Variants in DCUN1D5 observed in about 807,000 individuals in gnomAD.
The protein encoded by DCUN1D5 is DCN1-like protein 5.
In DCUN1D5, 10 loss-of-function variants were observed where a neutral mutation model predicts 38.3. The ratio of observed to expected loss-of-function variants is 0.26; its 90% CI spans 0.16 to 0.44. DCUN1D5 has a LOEUF of 0.44. Among genes scored for constraint, DCUN1D5 ranks in the 20% least tolerant of loss-of-function variants. The pLI is 1.00. For synonymous variants in DCUN1D5, 93 were observed against 90.9 expected, an observed-to-expected ratio of 1.02 and a Z score of -0.13; for missense variants, 148 against 275.3, an observed-to-expected ratio of 0.54 and a Z score of 3.27.
chr11:103,080,904 G>C (rs1324915886), intron 4 of DCUN1D5, among the ~76,000 whole-genome samples: 1 of 152,036 alleles, frequency 6.6e-6, no homozygotes, highest in Admixed American at 6.5e-5. Context: ...CCCAGCTCGG[G>C]AGGCTGAGGC....
rs1268955562 is a variant in DCUN1D5 at position 103,083,004 on chromosome 11, A to G, written c.250-165T>C. On this transcript the variant is annotated intron_variant, in intron 3 of 7. Transcript: ENST00000260247. The surrounding 1 kb of genome is among the most constrained non-coding windows in gnomAD (Gnocchi z 4.4). Reference sequence around the variant, plus strand: ...ATATACAAAGAAATTGAGATGTGCCAATTTCTTAAAAGTAAAAAGTTCTAA... The same window carrying G: ...ATATACAAAGAAATTGAGATGTGCCGATTTCTTAAAAGTAAAAAGTTCTAA... 6.6e-6 allele frequency among the ~76,000 whole-genome samples: 1 copy of G among 152,068 alleles called. No homozygotes were observed. Among genetic ancestry groups the G allele is most frequent in the Non-Finnish European group, 1.5e-5 (1 of 67,882 alleles).
Position 103,092,127 on chromosome 11 carries a change from G to A in DCUN1D5, c.-255C>T, listed in dbSNP as rs1382988270. The A allele has an allele frequency of 4.4e-6, 2 of 450,244 alleles. No homozygotes were observed. Among genetic ancestry groups the A allele is most frequent in the African/African-American group, 4.1e-5 (2 of 49,146 alleles). The allele number at this position is 450,244 out of a possible 1,614,324, so 27.9% of individuals were successfully genotyped here. A position where few individuals can be genotyped will look rare whatever the true frequency, so the allele number is the denominator to read the frequency against. On this transcript the variant is annotated 5_prime_UTR_variant, in exon 1 of 8. Transcript: ENST00000260247. ...CGTTCTCACCGGGAGGAGATAACGC[G>A]GACAGCGCGGCAGCTCCACCAGTCA...
chr11:103,076,209 T>G (rs1350879527), intron 4 of DCUN1D5, among the ~76,000 whole-genome samples: 1 of 152,194 alleles, frequency 6.6e-6, no homozygotes, highest in Non-Finnish European at 1.5e-5. Context: ...GGACCTGACA[T>G]ATAGCACTCC....
intron 2 of DCUN1D5, among the ~76,000 whole-genome samples, chr11:103,084,903 C>G (rs1862660655): frequency 6.6e-6 from 1 of 152,016 alleles, no homozygotes; most frequent in Admixed American, 6.6e-5. Context: ...GGGAGCATTG[C>G]TTGAGCCCAG....
rs774893368 is a variant in DCUN1D5, at chr11:103,091,909, G to A, written c.-37C>T. Reference sequence around the variant, plus strand: ...CCCGGCAGGGTGGGCAGGGGAGCCGGGGAAGGGGGTCCCTGTCCGCTGGAA... The same window carrying A: ...CCCGGCAGGGTGGGCAGGGGAGCCGAGGAAGGGGGTCCCTGTCCGCTGGAA... On this transcript the variant is annotated 5_prime_UTR_variant, in exon 1 of 8. Coordinates refer to ENST00000260247, the MANE Select transcript of DCUN1D5 (RefSeq NM_032299.4). The surrounding 1 kb of genome is among the most constrained non-coding windows in gnomAD (Gnocchi z 4.3). 44 of 1,588,070 alleles carry A rather than the reference G, an allele frequency of 2.8e-5. 1 individual carries two copies. The highest frequency in any genetic ancestry group is 3.1e-5 in the Non-Finnish European group (36 of 1,164,332).
intron 2 of DCUN1D5, among the ~76,000 whole-genome samples, chr11:103,084,174 T>A (rs1862639785): frequency 6.6e-6 from 1 of 152,208 alleles, no homozygotes; most frequent in Non-Finnish European, 1.5e-5. Flanking sequence ...ACAAATTTTG[T>A]AATAATATGA....
Position 103,053,338 on chromosome 11 carries a change from G to C in DCUN1D5, c.*9021C>G, listed in dbSNP as rs1861793102. The C allele has an allele frequency of 9.2e-6, 1 of 108,486 alleles. No homozygotes were observed. The highest frequency in any genetic ancestry group is 2.2e-5 in the Non-Finnish European group (1 of 44,874). 6.7% of individuals were successfully genotyped at this position (108,486 alleles called of 1,614,324 possible). ...CAAAGAAAGCAAGTAATACAAATCA[G>C]TGTGCATCATTGACATTACAGATTA... On this transcript the variant is annotated 3_prime_UTR_variant, in exon 8 of 8. Transcript: ENST00000260247. This position sits in a 1 kb window ranked among gnomAD's most constrained non-coding sequence, Gnocchi z 4.8.
chr11:103,060,032 T>C lies in DCUN1D5; in HGVS notation c.*2327A>G, dbSNP rs1342400283. 6.6e-6 allele frequency among the ~76,000 whole-genome samples: 1 copy of C among 152,186 alleles called. No individual in the cohort carries two copies. The highest frequency in any genetic ancestry group is 1.5e-5 in the Non-Finnish European group (1 of 68,034). On this transcript the variant is annotated 3_prime_UTR_variant, in exon 8 of 8. Transcript: ENST00000260247. ...TATTGTTTATATCACTTAACATTTT[T>C]GATCATAAATTTCCCAGTAAATTAA...
rs1208316256 is a variant in DCUN1D5 at position 103,058,215 on chromosome 11, T to C, written c.*4144A>G. ...CCATATTATAAGAGGTTCTAATACA[T>C]GACACAGCATACACAGCAAAATGTT... On this transcript the variant is annotated 3_prime_UTR_variant, in exon 8 of 8. Coordinates refer to ENST00000260247, the MANE Select transcript of DCUN1D5 (RefSeq NM_032299.4). Among the ~76,000 whole-genome samples, 3 of 152,090 alleles carry C rather than the reference T, an allele frequency of 2.0e-5. No homozygotes were observed. The highest frequency in any genetic ancestry group is 2.9e-5 in the Non-Finnish European group (2 of 68,018).
intron 4 of DCUN1D5, among the ~76,000 whole-genome samples, chr11:103,082,316 G>A (rs528557825): frequency 2.0e-5 from 3 of 152,204 alleles, no homozygotes; most frequent in African/African-American, 7.2e-5. Context: ...AAAGGGTTAT[G>A]TAACTCTATC....
At position 103,052,863 on chromosome 11, in the gene DCUN1D5, T is replaced by C. The variant is rs999732876; in HGVS notation, c.*9496A>G. The C allele has an allele frequency of 2.0e-5, 3 of 152,232 alleles. No homozygotes were observed. Among genetic ancestry groups the C allele is most frequent in the Non-Finnish European group, 4.4e-5 (3 of 68,038 alleles). 9.4% of individuals were successfully genotyped at this position (152,232 alleles called of 1,614,324 possible). A position where few individuals can be genotyped will look rare whatever the true frequency, so the allele number is the denominator to read the frequency against. ...CTCACTCTATTACTTTGTTCACATG[T>C]TTGATGTCAAGGTGCAAATGTGCAA... On this transcript the variant is annotated 3_prime_UTR_variant, in exon 8 of 8. Transcript: ENST00000260247.
rs2134631100 is a variant in DCUN1D5 at position 103,083,034 on chromosome 11, T to C, written c.250-195A>G. On this transcript the variant is annotated intron_variant, in intron 3 of 7. Transcript: ENST00000260247. The surrounding 1 kb of genome is among the most constrained non-coding windows in gnomAD (Gnocchi z 4.4). ...CTTAAAAGTAAAAAGTTCTAACAGTTTCTGAAGGTAGAATCTCTTATTCTA... is the reference window on the plus strand; with the variant it reads ...CTTAAAAGTAAAAAGTTCTAACAGTCTCTGAAGGTAGAATCTCTTATTCTA... Among the ~76,000 whole-genome samples the C allele has an allele frequency of 6.6e-6, 1 of 152,168 alleles. No individual in the cohort carries two copies. Among genetic ancestry groups the C allele is most frequent in the South Asian group, 2.1e-4 (1 of 4,832 alleles).
In DCUN1D5 at chr11:103,055,062, A is replaced by C. The variant is rs1861840975; in HGVS notation, c.*7297T>G. On this transcript the variant is annotated 3_prime_UTR_variant, in exon 8 of 8. Transcript: ENST00000260247. ...TAAGATACCTTGGGGATGGGACCCA[A>C]GTCTAAACATGAAATTCATTTATGT... 6.6e-6 allele frequency: 1 copy of C among 152,278 alleles called. No individual in the cohort carries two copies. The highest frequency in any genetic ancestry group is 6.5e-5 in the Admixed American group (1 of 15,304). The allele number at this position is 152,278 out of a possible 1,614,324, so 9.4% of individuals were successfully genotyped here. A position where few individuals can be genotyped will look rare whatever the true frequency, so the allele number is the denominator to read the frequency against.
rs1353016607 is a variant in DCUN1D5 at position 103,052,965 on chromosome 11, G to C, written c.*9394C>G. 3.3e-5 allele frequency: 5 copies of C among 152,052 alleles called. No individual in the cohort carries two copies. The highest frequency in any genetic ancestry group is 1.2e-4 in the African/African-American group (5 of 41,428). The allele number at this position is 152,052 out of a possible 1,614,324, so 9.4% of individuals were successfully genotyped here. On this transcript the variant is annotated 3_prime_UTR_variant, in exon 8 of 8. Transcript: ENST00000260247. ...TTTTCAGAAATAATACTAGCAGCGA[G>C]GAAGACAGGGAGCTTCCCACTTAAC...
chr11:103,069,226 A>G (rs1182405504), intron 4 of DCUN1D5, among the ~76,000 whole-genome samples: 1 of 152,192 alleles, frequency 6.6e-6, no homozygotes, highest in Non-Finnish European at 1.5e-5. Flanking sequence ...TTTGCCTAAT[A>G]TATTCCAAAC....
In DCUN1D5 at chr11:103,052,100, G is replaced by A. The variant is rs898885661; in HGVS notation, c.*10259C>T. ...TGTCTATTTAGAAGACACTGTGCCCGGTTATGTGAGACTGCTCCAGTACTA... is the reference window on the plus strand; with the variant it reads ...TGTCTATTTAGAAGACACTGTGCCCAGTTATGTGAGACTGCTCCAGTACTA... On this transcript the variant is annotated 3_prime_UTR_variant, in exon 8 of 8. Coordinates refer to ENST00000260247, the MANE Select transcript of DCUN1D5 (RefSeq NM_032299.4). 4 of 152,120 alleles carry A rather than the reference G, an allele frequency of 2.6e-5. No homozygotes were observed. Among genetic ancestry groups the A allele is most frequent in the South Asian group, 2.1e-4 (1 of 4,826 alleles). The allele number at this position is 152,120 out of a possible 1,614,324, so 9.4% of individuals were successfully genotyped here.
rs1861792728 is a variant in DCUN1D5 at position 103,053,324 on chromosome 11, A to G, written c.*9035T>C. On this transcript the variant is annotated 3_prime_UTR_variant, in exon 8 of 8. Transcript: ENST00000260247. The surrounding 1 kb of genome is among the most constrained non-coding windows in gnomAD (Gnocchi z 4.8). ...CACTATACTGCCTACAAAGAAAGCA[A>G]GTAATACAAATCAGTGTGCATCATT... 7.7e-6 allele frequency: 1 copy of G among 129,436 alleles called. No homozygotes were observed. The highest frequency in any genetic ancestry group is 2.6e-5 in the African/African-American group (1 of 38,990). 8.0% of individuals were successfully genotyped at this position (129,436 alleles called of 1,614,324 possible).
Position 103,089,284 on chromosome 11 carries a change from T to C in DCUN1D5, c.121A>G (p.Ser41Gly), listed in dbSNP as rs149803369. 8.1e-6 allele frequency: 13 copies of C among 1,612,020 alleles called. No individual in the cohort carries two copies. The South Asian group carries it at 1.3e-4, about 16-fold the overall frequency. The change falls in exon 2 of 8, where the codon AGT (serine) becomes GGT (glycine). Residue 41 changes from serine to glycine, a missense_variant. By Grantham distance (56) the Ser-to-Gly change is moderately conservative (BLOSUM62 0). Transcript: ENST00000260247. ...CRSQPPARLISGEEHFSSKKC... is the reference protein window; with the variant it reads ...CRSQPPARLIGGEEHFSSKKC... ...TTGCTTGAAAAATGTTCCTCTCCAC[T>C]TATTAGTCTAGCAGGGGGTTGGGAT... is the stretch of plus-strand genomic sequence containing the variant.
In DCUN1D5 at chr11:103,055,894, C is replaced by G. The variant is rs1861861570; in HGVS notation, c.*6465G>C. On this transcript the variant is annotated 3_prime_UTR_variant, in exon 8 of 8. Coordinates refer to ENST00000260247, the MANE Select transcript of DCUN1D5 (RefSeq NM_032299.4). ...GACAGACAAGTCTACCATAACATAT[C>G]CAAAAGTAAACTCTCAATCTACCCG... The G allele has an allele frequency of 6.6e-6, 1 of 152,192 alleles. No homozygotes were observed. Among genetic ancestry groups the G allele is most frequent in the Non-Finnish European group, 1.5e-5 (1 of 68,032 alleles). The allele number at this position is 152,192 out of a possible 1,614,324, so 9.4% of individuals were successfully genotyped here.
Sources: gnomAD v4.1 joint callset for allele counts (sites outside exome capture counted in the v4.1 genomes callset) on GRCh38, gnomAD v4.1.1 for gene constraint, Gnocchi (gnomAD v3.1) non-coding constraint, MANE v1.5 for transcripts, NCBI Gene and HGNC (gene_info 2026-07-23, HGNC 2026-07-21) for gene names.